LUZP2: variants seen among roughly 807,000 people sequenced by gnomAD.
LUZP2 encodes the protein leucine zipper protein 2.
A neutral mutation model predicts 51.6 loss-of-function variants in LUZP2; 52 were observed. The observed-to-expected ratio is 1.01, with a 90% CI of 0.81 to 1.27. The LOEUF is 1.27. LUZP2 is among the 50% of genes most tolerant of loss of function. The probability of loss-of-function intolerance (pLI) is 0.00; values close to 1 mark genes in which losing one functional copy is unlikely to be tolerated. For missense variants in LUZP2, 436 were observed against 395.4 expected (o/e 1.10, Z -0.87); for synonymous variants, 154 against 137.3 (o/e 1.12, Z -0.85).
intron 5 of LUZP2, among the ~76,000 whole-genome samples, chr11:24,784,155 C>T (rs1458022489): frequency 6.6e-6 from 1 of 151,758 alleles, no homozygotes; most frequent in African/African-American, 2.4e-5. Context: ...ACAGAACTTC[C>T]TTTTTTCAGT....
At chr11:24,519,517 T>C (rs1850577382) in intron 1 of LUZP2, among the ~76,000 whole-genome samples, 1 of 152,208 alleles carries the variant, frequency 6.6e-6, no homozygotes. Context: ...AGAAATGAAA[T>C]TGTGTGGTGA....
At chr11:24,968,065 A>G (rs1449599169) in intron 7 of LUZP2, among the ~76,000 whole-genome samples, 2 of 152,112 alleles carry the variant, frequency 1.3e-5, no homozygotes, top group Non-Finnish European at 2.9e-5. Flanking sequence ...TTCTTTGCCT[A>G]TTGCCAGTAC....
intron 1 of LUZP2, among the ~76,000 whole-genome samples, chr11:24,587,223 A>T (rs1379216642): frequency 6.6e-6 from 1 of 152,180 alleles, no homozygotes; most frequent in East Asian, 1.9e-4. Context: ...TTAACAGTAT[A>T]CACAAAATAT....
chr11:25,027,361 G>A (rs1269585975), intron 9 of LUZP2, among the ~76,000 whole-genome samples: 1 of 151,952 alleles, frequency 6.6e-6, no homozygotes. Flanking sequence ...TTAATAATAT[G>A]TGTCATCATT....
intron 1 of LUZP2, among the ~76,000 whole-genome samples, chr11:24,687,650 C>G (rs1241461982): frequency 6.6e-6 from 1 of 152,134 alleles, no homozygotes; most frequent in African/African-American, 2.4e-5. Flanking sequence ...ACTTGGCACC[C>G]CTACTTGGAG....
intron 5 of LUZP2, among the ~76,000 whole-genome samples, chr11:24,893,926 A>T (rs1852938478): frequency 6.6e-6 from 1 of 152,234 alleles, no homozygotes; most frequent in Non-Finnish European, 1.5e-5. Flanking sequence ...CTGCTTTACA[A>T]TTAGTAGAGA....
At chr11:24,621,550 T>C (rs1854495488) in intron 1 of LUZP2, among the ~76,000 whole-genome samples, 1 of 152,230 alleles carries the variant, frequency 6.6e-6, no homozygotes, top group Admixed American at 6.5e-5. Flanking sequence ...CAAATTCAAA[T>C]GTCACTGAAT....
At chr11:24,641,930 G>A (rs1001520267) in intron 1 of LUZP2, among the ~76,000 whole-genome samples, 11 of 151,742 alleles carry the variant, frequency 7.2e-5, no homozygotes, top group Non-Finnish European at 1.2e-4. Flanking sequence ...AGTCTCAATC[G>A]GTCACCAGGC....
At chr11:24,524,831 T>C (rs1340906382) in intron 1 of LUZP2, among the ~76,000 whole-genome samples, 1 of 151,696 alleles carries the variant, frequency 6.6e-6, no homozygotes, top group African/African-American at 2.4e-5. Context: ...TCATTACTAC[T>C]TCCACTTCCT....
chr11:24,741,964 AAATATATACATTTATATATT>A (rs1565111068), intron 4 of LUZP2, among the ~76,000 whole-genome samples: 14,487 of 130,438 alleles, frequency 0.11, 1,125 homozygotes, highest in Non-Finnish European at 0.16. Flanking sequence ...TATTATATAT[AAATATATACATTTATATATT>A]ATATATAAAT....
intron 7 of LUZP2, among the ~76,000 whole-genome samples, chr11:24,919,696 T>C (rs1853963490): frequency 6.7e-6 from 1 of 149,794 alleles, no homozygotes; most frequent in African/African-American, 2.4e-5. Flanking sequence ...ATTTACATTA[T>C]GATGAAAAAT....
chr11:24,794,719 A>G (rs1849503605), intron 5 of LUZP2, among the ~76,000 whole-genome samples: 1 of 152,102 alleles, frequency 6.6e-6, no homozygotes, highest in African/African-American at 2.4e-5. Flanking sequence ...TTTACATGTA[A>G]TACAAATAAT....
intron 1 of LUZP2, among the ~76,000 whole-genome samples, chr11:24,573,863 A>AT (rs142461511): frequency 2.6e-5 from 4 of 151,016 alleles, no homozygotes; most frequent in African/African-American, 7.3e-5. Flanking sequence ...TTCTTGTTTT[A>AT]TTTTTTTTAT....
chr11:25,012,701 A>G (rs1199874739), intron 9 of LUZP2, among the ~76,000 whole-genome samples: 2 of 152,198 alleles, frequency 1.3e-5, no homozygotes, highest in Non-Finnish European at 2.9e-5. Flanking sequence ...AATGACTAGT[A>G]TGAAAAAGAC....
Position 24,533,216 on chromosome 11 carries a change from GGTT to G in LUZP2, c.62+35915_62+35917del, listed in dbSNP as rs564583002. Among the ~76,000 whole-genome samples, 27 of 151,316 alleles carry G rather than the reference GGTT, an allele frequency of 1.8e-4. No homozygotes were observed. The East Asian group carries it at 5.3e-3, about 29-fold the overall frequency. On this transcript the variant is annotated intron_variant, in intron 1 of 11. Transcript: ENST00000336930. ...AAGATCTTTCCCTCTGGCTTTGCCA[GGTT>G]GTTAATTGTCTTTTAAGAAGCTTGA...
intron 1 of LUZP2, among the ~76,000 whole-genome samples, chr11:24,563,885 A>G (rs984697163): frequency 6.6e-6 from 1 of 152,076 alleles, no homozygotes; most frequent in Non-Finnish European, 1.5e-5. Flanking sequence ...AACTGTAATT[A>G]GAGGGATTTT....
intron 5 of LUZP2, among the ~76,000 whole-genome samples, chr11:24,839,054 A>G (rs1850943968): frequency 6.6e-6 from 1 of 151,674 alleles, no homozygotes; most frequent in South Asian, 2.1e-4. Context: ...ATAATTATCA[A>G]TTCAAATTTA....
intron 5 of LUZP2, among the ~76,000 whole-genome samples, chr11:24,862,183 G>A (rs938577643): frequency 1.3e-5 from 2 of 152,164 alleles, no homozygotes; most frequent in Non-Finnish European, 2.9e-5. Context: ...AAGCCCATCA[G>A]ACTAACAGCA....
chr11:25,050,131 GT>G lies in LUZP2; in HGVS notation c.858+2del. ...TACCACTGCCTGTGACTCTCAAGAT[GT>G]AAGAAAAACTTAAGATGCTTTTTAC... is the stretch of plus-strand genomic sequence containing the variant. On this transcript the variant is annotated splice_donor_variant, in intron 10 of 11. Coordinates refer to ENST00000336930, the MANE Select transcript of LUZP2 (RefSeq NM_001009909.4). LOFTEE classifies it high-confidence loss of function. 1 of 1,579,948 alleles carries G rather than the reference GT, an allele frequency of 6.3e-7. No individual in the cohort carries two copies. The highest frequency in any genetic ancestry group is 1.8e-5 in the Admixed American group (1 of 55,924).
Sources: gnomAD v4.1 joint callset for allele counts (sites outside exome capture counted in the v4.1 genomes callset) on GRCh38, gnomAD v4.1.1 for gene constraint, MANE v1.5 for transcripts, NCBI Gene and HGNC (gene_info 2026-07-23, HGNC 2026-07-21) for gene names.